The following KCNH1 variants were observed in gnomAD, a reference collection of about 807,000 sequenced individuals.
KCNH1 encodes potassium voltage-gated channel subfamily H member 1.
Under a neutral mutation model 69.2 loss-of-function variants are expected in KCNH1, and 27 were observed. The ratio of observed to expected loss-of-function variants is 0.39; its 90% confidence interval spans 0.29 to 0.54. The LOEUF (loss-of-function observed/expected upper bound fraction) is 0.54. Among genes scored for constraint, KCNH1 ranks in the 20% least tolerant of loss-of-function variants. KCNH1 has a pLI of 0.68. For missense variants in KCNH1, 798 were observed against 1,261.6 expected, an observed-to-expected ratio of 0.63 and a Z score of 5.57; for synonymous variants, 456 against 487.7, an observed-to-expected ratio of 0.93 and a Z score of 0.86.
chr1:210,730,700 G>T (rs1420805342), intron 10 of KCNH1, among the ~76,000 whole-genome samples: 1 of 152,182 alleles, frequency 6.6e-6, no homozygotes, highest in Admixed American at 6.5e-5. Flanking sequence ...AAAAGTGAAT[G>T]TAAGCAGTCT....
intron 7 of KCNH1, among the ~76,000 whole-genome samples, chr1:210,915,333 C>A (rs1261381864): frequency 6.6e-6 from 1 of 152,194 alleles, no homozygotes; most frequent in Non-Finnish European, 1.5e-5. Flanking sequence ...AGCACTTAGC[C>A]TGGCATCTGT....
rs1690183895 is a variant in KCNH1 at position 211,050,585 on chromosome 1, G to C, written c.559-31329C>G. Among the ~76,000 whole-genome samples the C allele has an allele frequency of 2.6e-5, 4 of 152,218 alleles. No individual in the cohort carries two copies. The South Asian group carries it at 8.3e-4, about 32-fold the overall frequency. On this transcript the variant is annotated intron_variant, in intron 5 of 10. Coordinates refer to ENST00000271751, the MANE Select transcript of KCNH1 (RefSeq NM_172362.3). Reference sequence around the variant, plus strand: ...TACAATCCCACGCTGAAATGCAACTGGGTAACAATCTCGGTTTCTTCCTAT... The same window carrying C: ...TACAATCCCACGCTGAAATGCAACTCGGTAACAATCTCGGTTTCTTCCTAT...
chr1:210,703,606 TTG>T (rs1681834811), intron 10 of KCNH1, among the ~76,000 whole-genome samples: 1 of 152,210 alleles, frequency 6.6e-6, no homozygotes, highest in South Asian at 2.1e-4. Context: ...ATATATTTGC[TTG>T]TGTCATTATG....
intron 6 of KCNH1, among the ~76,000 whole-genome samples, chr1:211,017,233 G>A (rs1689509018): frequency 6.6e-6 from 1 of 152,162 alleles, no homozygotes; most frequent in East Asian, 1.9e-4. Flanking sequence ...TGTTTTCCCA[G>A]AGAAAAGGCT....
At chr1:210,947,251 C>A (rs1304286168) in intron 6 of KCNH1, among the ~76,000 whole-genome samples, 1 of 152,170 alleles carries the variant, frequency 6.6e-6, no homozygotes, top group Non-Finnish European at 1.5e-5. Context: ...ACCACTGGGT[C>A]TCTCGGCTGA....
intron 6 of KCNH1, among the ~76,000 whole-genome samples, chr1:210,987,882 T>C (rs986436212): frequency 2.0e-5 from 3 of 152,146 alleles, no homozygotes; most frequent in Non-Finnish European, 2.9e-5. Context: ...CCCCTAGAGG[T>C]GGAGCCTACA....
At position 210,819,140 on chromosome 1, in the gene KCNH1, A is replaced by G. The variant is rs149622003; in HGVS notation, c.1463-14974T>C. On this transcript the variant is annotated intron_variant, in intron 7 of 10. Transcript: ENST00000271751. The stretch of plus-strand genomic sequence containing the variant: ...TGTGCTTAATGCTAACTGGGTACTA[A>G]TGATTTAAAAAAAAATAGGAGGAAG... 2.6e-3 allele frequency among the ~76,000 whole-genome samples: 400 copies of G among 152,328 alleles called. 2 individuals carry two copies. The highest frequency in any genetic ancestry group is 9.2e-3 in the African/African-American group (382 of 41,590).
At chr1:211,040,217 G>A (rs1362109344) in intron 5 of KCNH1, among the ~76,000 whole-genome samples, 2 of 151,952 alleles carry the variant, frequency 1.3e-5, no homozygotes, top group African/African-American at 2.4e-5. Context: ...AGACTTCGGG[G>A]GACTGTTGGG....
At chr1:210,950,378 C>A in intron 6 of KCNH1, among the ~76,000 whole-genome samples, 1 of 87,360 alleles carries the variant, frequency 1.1e-5, no homozygotes, top group Non-Finnish European at 2.3e-5. Flanking sequence ...CCTCCCCCAC[C>A]CCACAACAGT....
At chr1:211,026,041 A>G (rs1205760146) in intron 5 of KCNH1, among the ~76,000 whole-genome samples, 1 of 152,000 alleles carries the variant, frequency 6.6e-6, no homozygotes, top group Non-Finnish European at 1.5e-5. Flanking sequence ...GTCTTTTCTC[A>G]TTCCTTTGAC....
chr1:211,103,463 A>G (rs775560107), intron 3 of KCNH1, 33 bp downstream of exon 3: 2 of 1,361,588 alleles, frequency 1.5e-6, no homozygotes, highest in African/African-American at 2.9e-5. Context: ...TCAAACACAT[A>G]AAGGTATGGT....
At chr1:210,930,170 A>G (rs1687653844) in intron 6 of KCNH1, among the ~76,000 whole-genome samples, 1 of 152,198 alleles carries the variant, frequency 6.6e-6, no homozygotes, top group Admixed American at 6.5e-5. Flanking sequence ...TCACAGAACT[A>G]GAAAAAACAA....
intron 10 of KCNH1, among the ~76,000 whole-genome samples, chr1:210,733,014 C>G (rs533044528): frequency 2.2e-4 from 33 of 152,294 alleles, no homozygotes; most frequent in African/African-American, 7.5e-4. Context: ...GTGAGTCTCT[C>G]AGATACCCTC....
At chr1:210,699,302 A>G (rs980619815) in intron 10 of KCNH1, among the ~76,000 whole-genome samples, 1 of 152,236 alleles carries the variant, frequency 6.6e-6, no homozygotes, top group African/African-American at 2.4e-5. Flanking sequence ...CACTGATTCA[A>G]CAGGAGGGAC....
At chr1:210,899,008 A>G (rs900259624) in intron 7 of KCNH1, among the ~76,000 whole-genome samples, 1 of 152,194 alleles carries the variant, frequency 6.6e-6, no homozygotes, top group Non-Finnish European at 1.5e-5. Flanking sequence ...AATCAGTCTC[A>G]TTAGTCACTT....
chr1:211,028,719 A>G (rs1467544869), intron 5 of KCNH1, among the ~76,000 whole-genome samples: 1 of 152,158 alleles, frequency 6.6e-6, no homozygotes, highest in African/African-American at 2.4e-5. Flanking sequence ...CAAAAACAAC[A>G]AACTACCACA....
chr1:210,748,215 G>A (rs574810060), intron 10 of KCNH1, among the ~76,000 whole-genome samples: 15 of 152,300 alleles, frequency 9.8e-5, no homozygotes, highest in South Asian at 4.1e-4. Flanking sequence ...TCCCCAGGGC[G>A]TGACGCAGGA....
intron 6 of KCNH1, among the ~76,000 whole-genome samples, chr1:210,972,582 T>C (rs923232120): frequency 1.4e-4 from 22 of 152,172 alleles, no homozygotes; most frequent in Admixed American, 1.0e-3. Context: ...AAGACAATCA[T>C]TGTAAAAGGC....
chr1:210,879,524 G>C (rs943404686), intron 7 of KCNH1, among the ~76,000 whole-genome samples: 1 of 151,984 alleles, frequency 6.6e-6, no homozygotes, highest in Non-Finnish European at 1.5e-5. Flanking sequence ...TATATCAATA[G>C]ATGCAGAAAA....
Sources: gnomAD v4.1 joint callset for allele counts (sites outside exome capture counted in the v4.1 genomes callset) on GRCh38, gnomAD v4.1.1 for gene constraint, MANE v1.5 for transcripts, NCBI Gene and HGNC (gene_info 2026-07-23, HGNC 2026-07-21) for gene names.